RBFOX1: variants seen among roughly 807,000 people sequenced by gnomAD.
RBFOX1 encodes the protein RNA binding protein fox-1 homolog 1.
In RBFOX1, 8 loss-of-function variants were observed where a neutral mutation model predicts 57.7. That is an observed-to-expected ratio of 0.14 (90% CI 0.08 to 0.25). The LOEUF (loss-of-function observed/expected upper bound fraction) is 0.25. Among genes scored for constraint, RBFOX1 ranks in the 10% least tolerant of loss-of-function variants. RBFOX1 has a pLI of 1.00. For missense variants in RBFOX1, 611 were observed against 548.5 expected, an observed-to-expected ratio of 1.11 and a Z score of -1.14; for synonymous variants, 326 against 222.4, an observed-to-expected ratio of 1.47 and a Z score of -4.15.
At chr16:6,636,301 G>T (rs1391811962) in intron 2 of RBFOX1, among the ~76,000 whole-genome samples, 1 of 152,116 alleles carries the variant, frequency 6.6e-6, no homozygotes, top group Non-Finnish European at 1.5e-5. Flanking sequence ...CTCCCGAGTA[G>T]CTGGGACTAG....
At chr16:7,572,263 A>G (rs1013123243) in intron 5 of RBFOX1, among the ~76,000 whole-genome samples, 1 of 152,226 alleles carries the variant, frequency 6.6e-6, no homozygotes, top group Non-Finnish European at 1.5e-5. Flanking sequence ...GTATACATTT[A>G]TCATTTTATG....
chr16:7,133,679 T>G (rs1224025885), intron 4 of RBFOX1, among the ~76,000 whole-genome samples: 1 of 152,188 alleles, frequency 6.6e-6, no homozygotes. Context: ...AGCAAAAAAA[T>G]TAATTGTTTA....
chr16:7,616,724 C>G (rs1212033512), intron 10 of RBFOX1, among the ~76,000 whole-genome samples: 1 of 152,032 alleles, frequency 6.6e-6, no homozygotes, highest in Non-Finnish European at 1.5e-5. Context: ...TAGAGATGGG[C>G]TTTCATCACG....
intron 4 of RBFOX1, among the ~76,000 whole-genome samples, chr16:7,434,707 C>T (rs1224789893): frequency 6.6e-6 from 1 of 151,276 alleles, no homozygotes; most frequent in African/African-American, 2.4e-5. Flanking sequence ...TTCCCATCTA[C>T]CCAGCGTCTA....
chr16:7,026,446 C>G (rs1474372014), intron 3 of RBFOX1, among the ~76,000 whole-genome samples: 2 of 152,268 alleles, frequency 1.3e-5, no homozygotes, highest in South Asian at 2.1e-4. Context: ...AATATTTAGA[C>G]TCTTTTTTTC....
At chr16:7,261,145 A>C (rs759953468) in intron 4 of RBFOX1, among the ~76,000 whole-genome samples, 200 of 152,260 alleles carry the variant, frequency 1.3e-3, no homozygotes, top group Non-Finnish European at 2.4e-3. Context: ...CAAAGAGCCA[A>C]CCCACTAGAG....
intron 1 of RBFOX1, among the ~76,000 whole-genome samples, chr16:6,284,985 C>G (rs1245062984): frequency 6.6e-6 from 1 of 152,102 alleles, no homozygotes; most frequent in Non-Finnish European, 1.5e-5. Flanking sequence ...CGGGGAAATT[C>G]ACAGGAACAA....
At chr16:6,515,960 T>C (rs1402166545) in intron 2 of RBFOX1, among the ~76,000 whole-genome samples, 1 of 152,210 alleles carries the variant, frequency 6.6e-6, no homozygotes, top group Non-Finnish European at 1.5e-5. Context: ...GTACTGGTAC[T>C]GAAATACCTG....
At chr16:7,419,790 A>G (rs2098522162) in intron 4 of RBFOX1, among the ~76,000 whole-genome samples, 1 of 152,186 alleles carries the variant, frequency 6.6e-6, no homozygotes, top group Non-Finnish European at 1.5e-5. Flanking sequence ...AACACATCGC[A>G]CACTGAAGAA....
chr16:6,392,790 T>C (rs2092663838), intron 2 of RBFOX1, among the ~76,000 whole-genome samples: 1 of 152,188 alleles, frequency 6.6e-6, no homozygotes, highest in Non-Finnish European at 1.5e-5. Context: ...ATCCCTCAAA[T>C]TGACAAGAAA....
intron 1 of RBFOX1, among the ~76,000 whole-genome samples, chr16:5,289,920 C>A (rs1326595636): frequency 6.6e-6 from 1 of 152,222 alleles, no homozygotes; most frequent in African/African-American, 2.4e-5. Flanking sequence ...AAGCTGCACA[C>A]AAATGCTCAT....
intron 1 of RBFOX1, among the ~76,000 whole-genome samples, chr16:5,420,821 C>T (rs1368700689): frequency 2.6e-5 from 4 of 151,980 alleles, no homozygotes. Context: ...CAGGCATGAG[C>T]CACCATGCCC....
intron 4 of RBFOX1, among the ~76,000 whole-genome samples, chr16:7,374,939 T>A (rs2097656863): frequency 6.6e-6 from 1 of 152,198 alleles, no homozygotes; most frequent in Admixed American, 6.5e-5. Context: ...ACTTACAAAT[T>A]TAAACGGAGC....
intron 1 of RBFOX1, among the ~76,000 whole-genome samples, chr16:6,243,511 G>A (rs1405167767): frequency 6.6e-6 from 1 of 152,082 alleles, no homozygotes; most frequent in Non-Finnish European, 1.5e-5. Flanking sequence ...CCTGAGGGAG[G>A]CATCTTCTGT....
chr16:7,246,241 C>T lies in RBFOX1; in HGVS notation c.27+194143C>T, dbSNP rs904883826. The stretch of plus-strand genomic sequence containing the variant: ...AGAAAATTTGGAAGGAATCCTTAGC[C>T]TCTCCACAGCCACCACCCTAATCCA... On this transcript the variant is annotated intron_variant, in intron 4 of 15. Coordinates refer to ENST00000550418, the MANE Select transcript of RBFOX1 (RefSeq NM_018723.4). Among the ~76,000 whole-genome samples the T allele has an allele frequency of 2.6e-5, 4 of 152,240 alleles. No individual in the cohort carries two copies. In the South Asian group the frequency reaches 8.3e-4, roughly 32 times the overall value.
At chr16:5,619,390 C>T (rs1243463017) in intron 3 of RBFOX1, among the ~76,000 whole-genome samples, 2 of 152,116 alleles carry the variant, frequency 1.3e-5, no homozygotes, top group African/African-American at 2.4e-5. Context: ...TGCAGGGAGG[C>T]CCAGAGACCT....
intron 2 of RBFOX1, among the ~76,000 whole-genome samples, chr16:6,599,828 T>C (rs1196938927): frequency 6.6e-6 from 1 of 152,064 alleles, no homozygotes; most frequent in East Asian, 1.9e-4. Flanking sequence ...AGCACTTAGC[T>C]TAGAGAGCTG....
At chr16:6,825,790 A>T (rs373564767) in intron 3 of RBFOX1, among the ~76,000 whole-genome samples, 1 of 152,140 alleles carries the variant, frequency 6.6e-6, no homozygotes, top group Non-Finnish European at 1.5e-5. Context: ...AATGAAAGGT[A>T]AGGGTGGAGA....
chr16:5,305,687 G>T (rs2063915770), intron 1 of RBFOX1, among the ~76,000 whole-genome samples: 2 of 152,068 alleles, frequency 1.3e-5, no homozygotes, highest in Non-Finnish European at 2.9e-5. Flanking sequence ...AAGCAAGGTG[G>T]CACACATGCA....
Sources: allele counts gnomAD v4.1 joint callset (sites outside exome capture counted in the v4.1 genomes callset), GRCh38; gene constraint gnomAD v4.1.1; transcripts MANE v1.5; gene names NCBI Gene and HGNC (gene_info 2026-07-23, HGNC 2026-07-21).